Variants in COPZ1 observed in about 807,000 individuals in gnomAD.
COPZ1 encodes the protein coatomer subunit zeta-1.
A neutral mutation model predicts 31.7 loss-of-function variants in COPZ1; 4 were observed. That is an observed-to-expected ratio of 0.13 (90% CI 0.06 to 0.29). The LOEUF (loss-of-function observed/expected upper bound fraction) is 0.29. Among genes scored for constraint, COPZ1 ranks in the 10% least tolerant of loss-of-function variants. COPZ1 has a pLI of 1.00. For missense variants in COPZ1, 156 were observed against 211.5 expected, an observed-to-expected ratio of 0.74 and a Z score of 1.63; for synonymous variants, 74 against 79.0, an observed-to-expected ratio of 0.94 and a Z score of 0.33.
intron 5 of COPZ1, 100 bp from the exon 6 acceptor site, chr12:54,347,667 A>G (rs1048084508): frequency 2.4e-5 from 23 of 960,328 alleles, no homozygotes; most frequent in Non-Finnish European, 3.5e-5. Flanking sequence ...GTTGGTGGAG[A>G]TGTTTATTGG....
intron 1 of COPZ1, among the ~76,000 whole-genome samples, chr12:54,328,042 G>A (rs1953685855): frequency 6.6e-6 from 1 of 152,100 alleles, no homozygotes; most frequent in Non-Finnish European, 1.5e-5. Flanking sequence ...GGAGGCTGAG[G>A]TGGGCGGATC....
At chr12:54,333,656 T>C (rs1953800000) in intron 1 of COPZ1, among the ~76,000 whole-genome samples, 1 of 151,826 alleles carries the variant, frequency 6.6e-6, no homozygotes, top group African/African-American at 2.4e-5. Context: ...CTGGGCAACA[T>C]AGCAAGACCC....
Position 54,349,603 on chromosome 12 carries a change from G to C in COPZ1, c.448-17G>C, listed in dbSNP as rs781699746. Reference sequence around the variant, plus strand: ...CAGCTTTCTCCCACACTAAATGCTTGTATCTCTGTGCCATAGGGTGAAGAT... The same window carrying C: ...CAGCTTTCTCCCACACTAAATGCTTCTATCTCTGTGCCATAGGGTGAAGAT... On this transcript the variant is annotated splice_polypyrimidine_tract_variant and intron_variant, in intron 7 of 8. Transcript: ENST00000262061. The C allele has an allele frequency of 6.8e-6, 11 of 1,608,728 alleles. No homozygotes were observed. In the African/African-American group the frequency reaches 1.5e-4, roughly 22 times the overall value.
chr12:54,339,257 T>TAAA (rs72213270), intron 1 of COPZ1, among the ~76,000 whole-genome samples: 13 of 120,210 alleles, frequency 1.1e-4, no homozygotes, highest in African/African-American at 3.4e-4. Context: ...CCTTTTCTCT[T>TAAA]AAAAAAAAAA....
At chr12:54,345,374 G>A in intron 4 of COPZ1, 86 bp from the exon 5 acceptor site, 2 of 949,654 alleles carry the variant, frequency 2.1e-6, no homozygotes, top group Non-Finnish European at 1.7e-6. Flanking sequence ...GTCTTTTGAT[G>A]TTTAATGAAT....
chr12:54,326,929 A>G (rs1316742136), intron 1 of COPZ1, among the ~76,000 whole-genome samples: 1 of 127,400 alleles, frequency 7.8e-6, no homozygotes, highest in Non-Finnish European at 1.7e-5. Context: ...GTAGTTTTAA[A>G]TATTTTCTGT....
intron 1 of COPZ1, among the ~76,000 whole-genome samples, chr12:54,331,728 G>A (rs558561162): frequency 1.3e-5 from 2 of 152,090 alleles, no homozygotes; most frequent in South Asian, 2.1e-4. Flanking sequence ...AGGGAGATGT[G>A]GGGGGGAGTA....
chr12:54,338,657 T>G (rs1047200513), intron 1 of COPZ1, among the ~76,000 whole-genome samples: 1 of 152,242 alleles, frequency 6.6e-6, no homozygotes, highest in African/African-American at 2.4e-5. Flanking sequence ...TATTTTAACT[T>G]TATTCTCAAA....
chr12:54,339,443 G>C lies in COPZ1; in HGVS notation c.19-1104G>C, dbSNP rs534902486. 2.6e-5 allele frequency among the ~76,000 whole-genome samples: 4 copies of C among 152,186 alleles called. No individual in the cohort carries two copies. The East Asian group carries it at 7.7e-4, about 29-fold the overall frequency. On this transcript the variant is annotated intron_variant, in intron 1 of 8. Transcript: ENST00000262061. ...GCTCAGCGTGGTCTTAAACTCCTGGGCTCAAGAGATCCTATCACCTCAGCC... is the reference window on the plus strand; with the variant it reads ...GCTCAGCGTGGTCTTAAACTCCTGGCCTCAAGAGATCCTATCACCTCAGCC...
intron 1 of COPZ1, among the ~76,000 whole-genome samples, chr12:54,332,150 C>T (rs191356522): frequency 4.6e-5 from 7 of 151,852 alleles, no homozygotes; most frequent in Non-Finnish European, 1.0e-4. Flanking sequence ...TGGTGAAACC[C>T]GTCTCTACCA....
chr12:54,330,251 G>C (rs1368972727), intron 1 of COPZ1, among the ~76,000 whole-genome samples: 1 of 152,138 alleles, frequency 6.6e-6, no homozygotes, highest in African/African-American at 2.4e-5. Flanking sequence ...TGCACACCTA[G>C]TTTAATTGAT....
intron 7 of COPZ1, 184 bp downstream of exon 7, chr12:54,348,235 A>G (rs1450969685): frequency 1.6e-6 from 1 of 606,360 alleles, no homozygotes; most frequent in East Asian, 2.8e-5. Context: ...AGAAGCAGAA[A>G]TAACTTATTT....
intron 1 of COPZ1, among the ~76,000 whole-genome samples, chr12:54,337,717 C>T (rs1245133586): frequency 6.6e-6 from 1 of 152,200 alleles, no homozygotes; most frequent in African/African-American, 2.4e-5. Flanking sequence ...CCTAAATTCT[C>T]AGCTTTATTT....
intron 4 of COPZ1, chr12:54,344,923 T>C: frequency 6.6e-6 from 1 of 152,206 alleles, no homozygotes; most frequent in East Asian, 1.9e-4. Context: ...TGGCTAATTT[T>C]TTTTTGTATT....
intron 1 of COPZ1, among the ~76,000 whole-genome samples, chr12:54,332,396 G>A (rs887674300): frequency 2.7e-4 from 41 of 152,072 alleles, no homozygotes; most frequent in African/African-American, 9.7e-4. Flanking sequence ...CTTAGGGTTT[G>A]GTTGTCTTTG....
intron 1 of COPZ1, among the ~76,000 whole-genome samples, chr12:54,326,961 C>CCTT (rs1953661891): frequency 2.3e-5 from 1 of 43,564 alleles, no homozygotes; most frequent in African/African-American, 1.0e-4. Context: ...AACAAGTATT[C>CCTT]TTTTTTTTTT....
At position 54,350,183 on chromosome 12, in the gene COPZ1, C is replaced by T; in HGVS notation, c.487-293C>T. 4.4e-6 allele frequency: 3 copies of T among 685,008 alleles called. No homozygotes were observed. The South Asian group carries it at 4.6e-5, about 11-fold the overall frequency. 42.4% of individuals were successfully genotyped at this position (685,008 alleles called of 1,614,324 possible). A position where few individuals can be genotyped will look rare whatever the true frequency, so the allele number is the denominator to read the frequency against. On this transcript the variant is annotated intron_variant, in intron 8 of 8. Coordinates refer to ENST00000262061, the MANE Select transcript of COPZ1 (RefSeq NM_016057.3). ...GTCCATCTGGATTTGTTACCCGCCC[C>T]CTGCCCGCCGCCCCTTTTAACATAT... is the stretch of plus-strand genomic sequence containing the variant.
intron 1 of COPZ1, among the ~76,000 whole-genome samples, chr12:54,334,259 A>G (rs1953813622): frequency 6.6e-6 from 1 of 151,814 alleles, no homozygotes; most frequent in East Asian, 1.9e-4. Context: ...CCAGGCTACA[A>G]AAAACACAAA....
At chr12:54,331,989 T>A (rs1383576388) in intron 1 of COPZ1, among the ~76,000 whole-genome samples, 1 of 152,188 alleles carries the variant, frequency 6.6e-6, no homozygotes, top group Non-Finnish European at 1.5e-5. Context: ...TTCACTTCCA[T>A]GATAGTTGAA....
Sources: allele counts gnomAD v4.1 joint callset (sites outside exome capture counted in the v4.1 genomes callset), GRCh38; gene constraint gnomAD v4.1.1; transcripts MANE v1.5; gene names NCBI Gene and HGNC (gene_info 2026-07-23, HGNC 2026-07-21).